The following MIER2 variants were observed in gnomAD, a reference collection of about 807,000 sequenced individuals.
MIER2 encodes the protein mesoderm induction early response protein 2.
In MIER2, 30 loss-of-function variants were observed where a neutral mutation model predicts 67.6. The ratio of observed to expected loss-of-function variants is 0.44; its 90% CI spans 0.33 to 0.60. The LOEUF is 0.60. Ranked by LOEUF, MIER2 falls within the 20% of genes least tolerant of loss-of-function variation. MIER2 has a pLI of 0.02. For missense variants in MIER2, 702 were observed against 745.1 expected (o/e 0.94, Z 0.67); for synonymous variants, 372 against 312.6 (o/e 1.19, Z -2.00).
Position 313,632 on chromosome 19 carries a change from C to T in MIER2, c.667G>A (p.Glu223Lys), listed in dbSNP as rs780727112. Residue 223 changes from glutamate to lysine, a missense_variant, in exon 8 of 14, where the codon GAA becomes AAA. This residue lies in a region of MIER2 where 320 missense variants were observed against 292.6 expected (regional missense o/e 1.09). Transcript: ENST00000264819. ...NRHCEKIYEN[E>K]DQLLWDPSVL... Reference sequence around the variant, plus strand: ...CTGGGGTCCCAGAGCAGCTGGTCTTCGTTCTCGTAGACTGCACAAGCAGAG... The same window carrying T: ...CTGGGGTCCCAGAGCAGCTGGTCTTTGTTCTCGTAGACTGCACAAGCAGAG... The T allele has an allele frequency of 3.7e-6, 6 of 1,611,594 alleles. No homozygotes were observed. The highest frequency in any genetic ancestry group is 1.1e-5 in the South Asian group (1 of 91,068).
chr19:317,966 G>A (rs908261187), intron 7 of MIER2, among the ~76,000 whole-genome samples: 3 of 152,158 alleles, frequency 2.0e-5, no homozygotes, highest in African/African-American at 7.2e-5. Context: ...CACATTGGGA[G>A]GCCGAAGTGG....
intron 1 of MIER2, 120 bp downstream of exon 1, chr19:344,654 G>T: frequency 1.6e-6 from 1 of 642,278 alleles, no homozygotes. Flanking sequence ...GCCCCGGCCG[G>T]CCTCAGAGCT....
intron 1 of MIER2, among the ~76,000 whole-genome samples, chr19:342,012 C>G (rs1972528453): frequency 6.6e-6 from 1 of 152,120 alleles, no homozygotes; most frequent in Non-Finnish European, 1.5e-5. Context: ...GACAGGGTGG[C>G]AGGTTCCATT....
chr19:318,883 C>T (rs893299198), intron 7 of MIER2, among the ~76,000 whole-genome samples: 1 of 152,046 alleles, frequency 6.6e-6, no homozygotes, highest in African/African-American at 2.4e-5. Context: ...AGTGAAACCC[C>T]GTCTCTACTA....
chr19:319,295 A>T (rs1339924587), intron 7 of MIER2, among the ~76,000 whole-genome samples: 3 of 151,522 alleles, frequency 2.0e-5, no homozygotes, highest in Admixed American at 2.0e-4. Context: ...CTTGGAGGCG[A>T]AGTTTCCAGT....
At position 313,491 on chromosome 19, in the gene MIER2, C is replaced by A. The variant is rs1294178713; in HGVS notation, c.807+1G>T. Reference sequence around the variant, plus strand: ...TCTGTCCCCGGCATGGCAGCCCCCACCTGCTCACTGTCTTTCACGGCTTCT... The same window carrying A: ...TCTGTCCCCGGCATGGCAGCCCCCAACTGCTCACTGTCTTTCACGGCTTCT... On this transcript the variant is annotated splice_donor_variant, in intron 8 of 13. Coordinates refer to ENST00000264819, the MANE Select transcript of MIER2 (RefSeq NM_017550.3). LOFTEE classifies it high-confidence loss of function. 6.2e-7 allele frequency: 1 copy of A among 1,610,934 alleles called. No homozygotes were observed. Among genetic ancestry groups the A allele is most frequent in the Non-Finnish European group, 8.5e-7 (1 of 1,179,620 alleles).
At chr19:327,365 G>T in intron 4 of MIER2, 109 bp from the exon 5 acceptor site, 1 of 1,344,956 alleles carries the variant, frequency 7.4e-7, no homozygotes, top group Non-Finnish European at 1.0e-6. Context: ...GGCTCACATG[G>T]GGCTGCTATT....
rs1478949795 is a variant in MIER2, at chr19:307,379, T to G, written c.1356A>C (p.Pro452=). The G allele has an allele frequency of 6.2e-7, 1 of 1,607,126 alleles. No individual in the cohort carries two copies. The highest frequency in any genetic ancestry group is 1.1e-5 in the South Asian group (1 of 89,682). The change falls in exon 13 of 14, where the codon CCA becomes CCC. Residue 452 remains proline (P), a synonymous_variant. Coordinates refer to ENST00000264819, the MANE Select transcript of MIER2 (RefSeq NM_017550.3). Reference sequence around the variant, plus strand: ...CAGTGACAGCTGGCTGGTATGAGGCTGGGTCGGCCAGGGCTGGGGGCCGAT... The same window carrying G: ...CAGTGACAGCTGGCTGGTATGAGGCGGGGTCGGCCAGGGCTGGGGGCCGAT... The part of the protein sequence containing the change: ...LSHRPPALAD[P]ASYQPAVTAP...
At chr19:330,888 C>T (rs576900344) in intron 3 of MIER2, among the ~76,000 whole-genome samples, 222 of 152,296 alleles carry the variant, frequency 1.5e-3, no homozygotes, top group African/African-American at 5.2e-3. Context: ...GATTCCACTC[C>T]ACAACTACTC....
intron 3 of MIER2, among the ~76,000 whole-genome samples, chr19:332,330 T>C (rs1315546167): frequency 1.3e-5 from 2 of 152,152 alleles, no homozygotes; most frequent in East Asian, 3.8e-4. Context: ...TGAGACACAG[T>C]CTTGCTCTGT....
chr19:338,347 T>A (rs911930680), intron 1 of MIER2, among the ~76,000 whole-genome samples: 1 of 151,946 alleles, frequency 6.6e-6, no homozygotes. Flanking sequence ...AAGCAACAAA[T>A]ACAAAAAGAA....
At chr19:329,865 T>C (rs1662334750) in intron 3 of MIER2, among the ~76,000 whole-genome samples, 1 of 48,644 alleles carries the variant, frequency 2.1e-5, no homozygotes. Context: ...ATACTCCGTC[T>C]CAAAAAAAAA....
intron 1 of MIER2, 39 bp downstream of exon 1, chr19:344,735 C>CG: frequency 8.8e-7 from 1 of 1,136,456 alleles, no homozygotes; most frequent in Non-Finnish European, 1.1e-6. Flanking sequence ...CGCGGACGCG[C>CG]GGGGGCGGGG....
At position 344,760 on chromosome 19, in the gene MIER2, G is replaced by A. The variant is rs1266743228; in HGVS notation, c.9+14C>T. 11 of 1,182,652 alleles carry A rather than the reference G, an allele frequency of 9.3e-6. No homozygotes were observed. The highest frequency in any genetic ancestry group is 3.4e-4 in the Middle Eastern group (1 of 2,962). 73.3% of individuals were successfully genotyped at this position (1,182,652 alleles called of 1,614,324 possible). Reference sequence around the variant, plus strand: ...CGGGGGCGGGGGGCCGGCTCCCCCGGCCCGCTCACTCACCTCCGCCATGGC... The same window carrying A: ...CGGGGGCGGGGGGCCGGCTCCCCCGACCCGCTCACTCACCTCCGCCATGGC... On this transcript the variant is annotated intron_variant, in intron 1 of 13. Transcript: ENST00000264819.
rs149432677 is a variant in MIER2 at position 326,527 on chromosome 19, G to A, written c.565C>T (p.Pro189Ser). ...ASSDTEEDSL[P>S]ANKCKKEIMV... ...CGTACCTTCTTACATTTGTTGGCAG[G>A]AAGAGAGTCCTCCTCGGTGTCGGAG... Residue 189 changes from proline (P) to serine (S), a missense_variant, in exon 6 of 14, where the codon CCT (proline) becomes TCT (serine). By Grantham distance (74) the Pro-to-Ser change is moderately conservative. Coordinates refer to ENST00000264819, the MANE Select transcript of MIER2 (RefSeq NM_017550.3). 4.2e-4 allele frequency: 683 copies of A among 1,614,006 alleles called. 1 individual carries two copies. In the African/African-American group the frequency reaches 7.8e-3, roughly 18 times the overall value.
chr19:315,578 C>A (rs1244890877), intron 7 of MIER2, among the ~76,000 whole-genome samples: 1 of 152,180 alleles, frequency 6.6e-6, no homozygotes, highest in African/African-American at 2.4e-5. Context: ...CCGAATGGAC[C>A]CACTGAACAG....
chr19:326,058 G>A (rs553302433), intron 6 of MIER2, among the ~76,000 whole-genome samples: 3 of 152,258 alleles, frequency 2.0e-5, no homozygotes, highest in South Asian at 2.1e-4. Context: ...TCTGAGAAGG[G>A]GCACAAACCC....
At chr19:333,575 G>A (rs1244038146) in intron 3 of MIER2, among the ~76,000 whole-genome samples, 2 of 55,020 alleles carry the variant, frequency 3.6e-5, no homozygotes, top group Admixed American at 2.3e-4. Context: ...GTGCAATGGC[G>A]TGATCTCGGC....
rs1005928548 is a variant in MIER2, at chr19:332,227, G to C, written c.243+2173C>G. Reference sequence around the variant, plus strand: ...TTTTCTTGAGATGGAGTTTCACTGTGTCACTCAGGCTGGACTGCAGTGGCA... The same window carrying C: ...TTTTCTTGAGATGGAGTTTCACTGTCTCACTCAGGCTGGACTGCAGTGGCA... On this transcript the variant is annotated intron_variant, in intron 3 of 13. Transcript: ENST00000264819. 2.5e-4 allele frequency among the ~76,000 whole-genome samples: 38 copies of C among 151,938 alleles called. 1 individual carries two copies.
Sources: gnomAD v4.1 joint callset for allele counts (sites outside exome capture counted in the v4.1 genomes callset) on GRCh38, gnomAD v4.1.1 for gene constraint, gnomAD v4.1.1 regional missense constraint, MANE v1.5 for transcripts, NCBI Gene and HGNC (gene_info 2026-07-23, HGNC 2026-07-21) for gene names.